The following UBE3A variants were observed in gnomAD, a reference collection of about 807,000 sequenced individuals.
The protein encoded by UBE3A is ubiquitin protein ligase E3A, also known as ubiquitin-protein ligase E3A.
In UBE3A, 6 loss-of-function variants were observed where a neutral mutation model predicts 83.4. That is an observed-to-expected ratio of 0.07 (90% CI 0.04 to 0.14). The LOEUF (loss-of-function observed/expected upper bound fraction) is 0.14, where lower values mean the gene tolerates loss of function less well. Ranked by LOEUF, UBE3A falls within the 10% of genes least tolerant of loss-of-function variation. UBE3A has a pLI of 1.00. For missense variants in UBE3A, 456 were observed against 1,036.1 expected, an observed-to-expected ratio of 0.44 and a Z score of 7.69; for synonymous variants, 337 against 355.4, an observed-to-expected ratio of 0.95 and a Z score of 0.58.
At chr15:25,432,232 A>G (rs1893688420) in intron 1 of UBE3A, among the ~76,000 whole-genome samples, 1 of 152,230 alleles carries the variant, frequency 6.6e-6, no homozygotes, top group South Asian at 2.1e-4. Context: ...TAGTGAATAC[A>G]TGGTGCTTTA....
intron 1 of UBE3A, among the ~76,000 whole-genome samples, chr15:25,430,043 A>T (rs1256738139): frequency 2.7e-5 from 3 of 112,810 alleles, no homozygotes; most frequent in East Asian, 2.9e-4. Flanking sequence ...ATATATATAT[A>T]TATATATTTA....
intron 1 of UBE3A, among the ~76,000 whole-genome samples, chr15:25,429,047 C>T (rs1000091776): frequency 6.6e-6 from 1 of 152,058 alleles, no homozygotes; most frequent in Non-Finnish European, 1.5e-5. Flanking sequence ...TACATGTACA[C>T]GCATCAACAT....
In UBE3A at chr15:25,370,548, T is replaced by G; in HGVS notation, c.1608+18A>C. ...GATATCCCCATTATTAGGTTTTTAA[T>G]CTAGCAGCCCAACTTACCCGGACAA... On this transcript the variant is annotated intron_variant, in intron 6 of 12. Coordinates refer to ENST00000648336, the MANE Select transcript of UBE3A (RefSeq NM_130839.5). This position sits in a 1 kb window ranked among gnomAD's most constrained non-coding sequence, Gnocchi z 4.2. 6.2e-7 allele frequency: 1 copy of G among 1,614,084 alleles called. No individual in the cohort carries two copies. The highest frequency in any genetic ancestry group is 8.5e-7 in the Non-Finnish European group (1 of 1,179,950).
intron 6 of UBE3A, among the ~76,000 whole-genome samples, chr15:25,366,273 T>A (rs1200766546): frequency 6.6e-6 from 1 of 152,230 alleles, no homozygotes; most frequent in Non-Finnish European, 1.5e-5. Flanking sequence ...AAATTAAACA[T>A]ACCTAGTGCA....
rs544940176 is a variant in UBE3A at position 25,345,275 on chromosome 15, T to C, written c.2355-5047A>G. Among the ~76,000 whole-genome samples the C allele has an allele frequency of 7.2e-5, 11 of 152,242 alleles. No homozygotes were observed. In the East Asian group the frequency reaches 2.1e-3, roughly 29 times the overall value. ...TGATTACAAAGGGATCATGATGTAGTAAGCTCTGGGCCCTTAAAACACCCG... is the reference window on the plus strand; with the variant it reads ...TGATTACAAAGGGATCATGATGTAGCAAGCTCTGGGCCCTTAAAACACCCG... On this transcript the variant is annotated intron_variant, in intron 11 of 12. Transcript: ENST00000648336.
At chr15:25,417,713 G>A (rs1275230372) in intron 1 of UBE3A, among the ~76,000 whole-genome samples, 1 of 151,816 alleles carries the variant, frequency 6.6e-6, no homozygotes, top group Non-Finnish European at 1.5e-5. Context: ...GAAGCACAGG[G>A]AAATAAAAAG....
Position 25,338,594 on chromosome 15 carries a change from G to A in UBE3A, c.*543C>T, listed in dbSNP as rs192289865. 1 of 151,936 alleles carries A rather than the reference G, an allele frequency of 6.6e-6. No homozygotes were observed. Among genetic ancestry groups the A allele is most frequent in the Non-Finnish European group, 1.5e-5 (1 of 68,002 alleles). The allele number at this position is 151,936 out of a possible 1,614,324, so 9.4% of individuals were successfully genotyped here. A position where few individuals can be genotyped will look rare whatever the true frequency, so the allele number is the denominator to read the frequency against. ...AGAACAGCAGTAATTGCATCACACT[G>A]TTTTCAAGACTTCAAGTTTCAAAAG... On this transcript the variant is annotated 3_prime_UTR_variant, in exon 13 of 13. Transcript: ENST00000648336.
At chr15:25,377,347 T>C (rs1426417005) in intron 4 of UBE3A, among the ~76,000 whole-genome samples, 2 of 152,122 alleles carry the variant, frequency 1.3e-5, no homozygotes, top group African/African-American at 2.4e-5. Context: ...ACTCACTGCA[T>C]GCAAACAGAG....
At chr15:25,416,700 C>G (rs1354257291) in intron 1 of UBE3A, among the ~76,000 whole-genome samples, 2 of 148,762 alleles carry the variant, frequency 1.3e-5, no homozygotes, top group Non-Finnish European at 3.0e-5. Flanking sequence ...GTAAGCACAA[C>G]AAGCACAACA....
At position 25,355,920 on chromosome 15, in the gene UBE3A, T is replaced by G. The variant is rs202161423; in HGVS notation, c.2096A>C (p.Lys699Thr). The G allele has an allele frequency of 2.4e-4, 385 of 1,613,348 alleles. No homozygotes were observed. Among genetic ancestry groups the G allele is most frequent in the Non-Finnish European group, 3.2e-4 (376 of 1,179,730 alleles). The change falls in exon 9 of 13, where the codon AAA becomes ACA. Residue 699 changes from lysine to threonine, a missense_variant. By Grantham distance (78) the Lys-to-Thr change is moderately conservative (BLOSUM62 -1). This residue lies in a region of UBE3A where 82 missense variants were observed against 199.3 expected (regional missense o/e 0.41). Transcript: ENST00000648336. ...CCTGTTTTCATTTGTAATTGGAATT[T>G]TATCACCATTTTCCTTTAGATCATA... is the stretch of plus-strand genomic sequence containing the variant. ...MMYDLKENGD[K>T]IPITNENRKE... is the part of the protein sequence containing the mutation.
chr15:25,409,039 C>G (rs779980643), intron 3 of UBE3A, 49 bp downstream of exon 3: 1 of 1,550,118 alleles, frequency 6.5e-7, no homozygotes, highest in Non-Finnish European at 8.8e-7. Context: ...GTATGTATTT[C>G]ACTTTACAAT....
chr15:25,391,395 T>TG (rs1203226676), intron 4 of UBE3A, among the ~76,000 whole-genome samples: 1 of 152,208 alleles, frequency 6.6e-6, no homozygotes, highest in Non-Finnish European at 1.5e-5. Flanking sequence ...TTTTACAAGA[T>TG]GAAAAAGTTC....
chr15:25,338,526 T>C lies in UBE3A; in HGVS notation c.*611A>G, dbSNP rs1014149483. The C allele has an allele frequency of 2.6e-5, 4 of 152,102 alleles. No homozygotes were observed. The highest frequency in any genetic ancestry group is 2.6e-4 in the Admixed American group (4 of 15,272). The allele number at this position is 152,102 out of a possible 1,614,324, so 9.4% of individuals were successfully genotyped here. A position where few individuals can be genotyped will look rare whatever the true frequency, so the allele number is the denominator to read the frequency against. ...CTCCCTTCCTTCCATCTTTCTTTAT[T>C]GATTGATTCTCAAGATTTTGCACAG... is the stretch of plus-strand genomic sequence containing the variant. On this transcript the variant is annotated 3_prime_UTR_variant, in exon 13 of 13. Transcript: ENST00000648336.
chr15:25,358,473 AG>A (rs2077550338), intron 7 of UBE3A, among the ~76,000 whole-genome samples: 1 of 152,214 alleles, frequency 6.6e-6, no homozygotes, highest in Non-Finnish European at 1.5e-5. Flanking sequence ...TAAATGACTA[AG>A]GAAAAAAATT....
intron 3 of UBE3A, among the ~76,000 whole-genome samples, chr15:25,406,107 C>G (rs913571933): frequency 2.6e-5 from 4 of 152,198 alleles, no homozygotes; most frequent in Admixed American, 2.0e-4. Flanking sequence ...TATTTATTTT[C>G]TGGCCCTTTA....
chr15:25,338,342 A>G lies in UBE3A; in HGVS notation c.*795T>C, dbSNP rs549825249. 6.6e-6 allele frequency: 1 copy of G among 152,044 alleles called. No individual in the cohort carries two copies. The highest frequency in any genetic ancestry group is 6.6e-5 in the Admixed American group (1 of 15,262). 9.4% of individuals were successfully genotyped at this position (152,044 alleles called of 1,614,324 possible). ...CAACAACGAGAACAACAAGAACAAA[A>G]ATCCCTGTCCTTTCATATACTAAGA... On this transcript the variant is annotated 3_prime_UTR_variant, in exon 13 of 13. Coordinates refer to ENST00000648336, the MANE Select transcript of UBE3A (RefSeq NM_130839.5).
chr15:25,389,176 C>T (rs1292060461), intron 4 of UBE3A, among the ~76,000 whole-genome samples: 5 of 150,980 alleles, frequency 3.3e-5, no homozygotes, highest in African/African-American at 9.8e-5. Flanking sequence ...GGAGCAATGG[C>T]AGTATTTGAC....
At chr15:25,409,825 T>C (rs968718721) in intron 2 of UBE3A, among the ~76,000 whole-genome samples, 1 of 152,140 alleles carries the variant, frequency 6.6e-6, no homozygotes, top group Non-Finnish European at 1.5e-5. Context: ...AATAGTTATA[T>C]ACATACACAT....
At chr15:25,424,444 T>C (rs1399345243) in intron 1 of UBE3A, among the ~76,000 whole-genome samples, 1 of 152,206 alleles carries the variant, frequency 6.6e-6, no homozygotes, top group Non-Finnish European at 1.5e-5. Flanking sequence ...TTGTTTCTTC[T>C]CCTTAGCACT....
Sources: allele counts gnomAD v4.1 joint callset (sites outside exome capture counted in the v4.1 genomes callset), GRCh38; gene constraint gnomAD v4.1.1; regional missense constraint gnomAD v4.1.1; non-coding constraint Gnocchi (gnomAD v3.1); transcripts MANE v1.5; gene names NCBI Gene and HGNC (gene_info 2026-07-23, HGNC 2026-07-21).